Variants in MEIS2 observed in about 807,000 individuals in gnomAD.
The protein encoded by MEIS2 is homeobox protein Meis2.
MEIS2 carries 9 observed loss-of-function variants against 58.6 expected under a neutral mutation model. The ratio of observed to expected loss-of-function variants is 0.15; its 90% CI spans 0.09 to 0.27. MEIS2 has a LOEUF of 0.27. Ranked by LOEUF, MEIS2 falls within the 10% of genes least tolerant of loss-of-function variation. The probability of loss-of-function intolerance (pLI) is 1.00; values close to 1 mark genes in which losing one functional copy is unlikely to be tolerated. For missense variants in MEIS2, 427 were observed against 635.0 expected (o/e 0.67, Z 3.52); for synonymous variants, 221 against 228.4 (o/e 0.97, Z 0.29).
At chr15:36,894,592 C>G (rs1049709454) in intron 11 of MEIS2, 2 of 695,188 alleles carry the variant, frequency 2.9e-6, no homozygotes, top group Non-Finnish European at 2.4e-6. Flanking sequence ...TATTTAAAAA[C>G]AGGTCCTTAG....
At chr15:36,994,647 C>T (rs1342663414) in intron 8 of MEIS2, among the ~76,000 whole-genome samples, 2 of 152,026 alleles carry the variant, frequency 1.3e-5, no homozygotes, top group African/African-American at 4.8e-5. Flanking sequence ...AAATCCTATC[C>T]CATCATGGAA....
At chr15:36,936,166 G>A (rs2058161779) in intron 9 of MEIS2, among the ~76,000 whole-genome samples, 1 of 151,334 alleles carries the variant, frequency 6.6e-6, no homozygotes, top group Non-Finnish European at 1.5e-5. Context: ...CACAGTTTCT[G>A]CCTGCAAGGA....
rs369812332 is a variant in MEIS2, at chr15:36,940,416, C to G, written c.977+9908G>C. Among the ~76,000 whole-genome samples the G allele has an allele frequency of 1.1e-4, 16 of 152,214 alleles. No homozygotes were observed. The Middle Eastern group carries it at 0.021, about 195-fold the overall frequency. ...TGACCTCCCTTGCCAGCCAGTCTCG[C>G]TCCTCCCTGCACACCATTAAAAATA... On this transcript the variant is annotated intron_variant, in intron 9 of 11. Coordinates refer to ENST00000561208, the MANE Select transcript of MEIS2 (RefSeq NM_170675.5).
intron 8 of MEIS2, among the ~76,000 whole-genome samples, chr15:36,989,920 A>G (rs2060213316): frequency 6.6e-6 from 1 of 151,990 alleles, no homozygotes; most frequent in Non-Finnish European, 1.5e-5. Context: ...TTGTATCTTC[A>G]TTTGGAAGCA....
At chr15:37,003,373 T>C (rs1410490662) in intron 8 of MEIS2, among the ~76,000 whole-genome samples, 1 of 152,052 alleles carries the variant, frequency 6.6e-6, no homozygotes, top group Non-Finnish European at 1.5e-5. Flanking sequence ...AAAACACCAC[T>C]GGCTAAATTT....
intron 11 of MEIS2, 43 bp from the exon 12 acceptor site, chr15:36,892,502 A>C: frequency 6.6e-7 from 1 of 1,509,336 alleles, no homozygotes. Context: ...AAATTCCTAA[A>C]CATTTTTATA....
chr15:36,997,071 C>T (rs2060548812), intron 8 of MEIS2, among the ~76,000 whole-genome samples: 1 of 152,188 alleles, frequency 6.6e-6, no homozygotes, highest in Admixed American at 6.5e-5. Context: ...ATAGGAATAG[C>T]TCAGGGATTT....
At chr15:36,911,528 TG>T (rs559313530) in intron 9 of MEIS2, among the ~76,000 whole-genome samples, 351 of 152,266 alleles carry the variant, frequency 2.3e-3, no homozygotes, top group African/African-American at 8.0e-3. Context: ...AGTGCTGCTT[TG>T]GATAATGTAT....
intron 9 of MEIS2, among the ~76,000 whole-genome samples, chr15:36,941,434 C>T (rs1740027809): frequency 6.6e-6 from 1 of 152,150 alleles, no homozygotes; most frequent in African/African-American, 2.4e-5. Flanking sequence ...ATTTTGCCCA[C>T]CTCCTTATGC....
At chr15:36,947,213 T>C (rs147133139) in intron 9 of MEIS2, among the ~76,000 whole-genome samples, 90 of 152,090 alleles carry the variant, frequency 5.9e-4, no homozygotes, top group African/African-American at 2.0e-3. Flanking sequence ...CTGAGTGTCA[T>C]AAATTTCACT....
intron 8 of MEIS2, among the ~76,000 whole-genome samples, chr15:37,028,072 A>T (rs2061770896): frequency 6.6e-6 from 1 of 152,186 alleles, no homozygotes; most frequent in Non-Finnish European, 1.5e-5. Context: ...GCTGCCCTAA[A>T]AACTCTGTGT....
At chr15:36,951,998 C>A (rs1242935179) in intron 8 of MEIS2, among the ~76,000 whole-genome samples, 2 of 152,158 alleles carry the variant, frequency 1.3e-5, no homozygotes, top group African/African-American at 2.4e-5. Flanking sequence ...GCTTTGGTCA[C>A]TCACACTCAT....
At chr15:36,944,565 A>G (rs1372560020) in intron 9 of MEIS2, among the ~76,000 whole-genome samples, 1 of 152,076 alleles carries the variant, frequency 6.6e-6, no homozygotes, top group Non-Finnish European at 1.5e-5. Flanking sequence ...ATAGGAAGTG[A>G]TCTGAAAGAG....
intron 9 of MEIS2, among the ~76,000 whole-genome samples, chr15:36,935,261 T>C (rs1185408743): frequency 6.6e-6 from 1 of 151,964 alleles, no homozygotes. Context: ...TATGATGTTT[T>C]TGTTCAGCCT....
chr15:36,987,995 G>A (rs1377023415), intron 8 of MEIS2, among the ~76,000 whole-genome samples: 1 of 152,094 alleles, frequency 6.6e-6, no homozygotes, highest in Non-Finnish European at 1.5e-5. Flanking sequence ...CAACATTTTA[G>A]ACTCTTAAAA....
chr15:37,098,423 A>AGAGAGAGAGAGAGAGG lies in MEIS2; in HGVS notation c.13-225_13-224insCCTCTCTCTCTCTCTC, dbSNP rs1555474187. 19 of 1,194,718 alleles carry AGAGAGAGAGAGAGAGG rather than the reference A, an allele frequency of 1.6e-5. 1 individual carries two copies. The African/African-American group carries it at 3.0e-4, about 19-fold the overall frequency. The allele number at this position is 1,194,718 out of a possible 1,614,324, so 74.0% of individuals were successfully genotyped here. A position where few individuals can be genotyped will look rare whatever the true frequency, so the allele number is the denominator to read the frequency against. On this transcript the variant is annotated intron_variant, in intron 1 of 11. Transcript: ENST00000561208. The stretch of plus-strand genomic sequence containing the variant: ...GAGAGAGAGAGAGAGAGAGAGAGAG[A>AGAGAGAGAGAGAGAGG]GAAAATAAAAATAAAAACAAAGTCA...
At chr15:37,083,586 T>G (rs1435903036) in intron 7 of MEIS2, among the ~76,000 whole-genome samples, 185 bp downstream of exon 7, 4 of 152,162 alleles carry the variant, frequency 2.6e-5, no homozygotes, top group African/African-American at 9.7e-5. Context: ...ACAGCTCACT[T>G]TGATTTCTTT....
intron 7 of MEIS2, among the ~76,000 whole-genome samples, chr15:37,063,262 C>T (rs535522658): frequency 9.7e-4 from 147 of 152,256 alleles, no homozygotes; most frequent in African/African-American, 3.2e-3. Context: ...AACTTCTGGC[C>T]TCAGGTGATC....
chr15:36,920,307 G>T (rs1448304269), intron 9 of MEIS2, among the ~76,000 whole-genome samples: 1 of 151,988 alleles, frequency 6.6e-6, no homozygotes, highest in Non-Finnish European at 1.5e-5. Flanking sequence ...GCGCCACCAC[G>T]CCCGGCTAGT....
Sources: gnomAD v4.1 joint callset for allele counts (sites outside exome capture counted in the v4.1 genomes callset) on GRCh38, gnomAD v4.1.1 for gene constraint, MANE v1.5 for transcripts, NCBI Gene and HGNC (gene_info 2026-07-23, HGNC 2026-07-21) for gene names.